The following RAB3IP variants were observed in gnomAD, a reference collection of about 807,000 sequenced individuals.
RAB3IP encodes the protein rab-3A-interacting protein.
A neutral mutation model predicts 59.1 loss-of-function variants in RAB3IP; 36 were observed. The ratio of observed to expected loss-of-function variants is 0.61; its 90% confidence interval spans 0.47 to 0.80. RAB3IP has a LOEUF of 0.80. RAB3IP is among the 30% of genes least tolerant of loss of function. RAB3IP has a pLI of 0.00. For missense variants in RAB3IP, 511 were observed against 536.0 expected (o/e 0.95, Z 0.46); for synonymous variants, 207 against 191.2 (o/e 1.08, Z -0.68).
At chr12:69,792,315 T>C (rs1599746) in intron 4 of RAB3IP, among the ~76,000 whole-genome samples, 50,721 of 151,992 alleles carry the variant, frequency 0.33, 8,768 homozygotes, top group South Asian at 0.37. Flanking sequence ...AAAAAAAAGG[T>C]AACTGAGAGG....
intron 8 of RAB3IP, among the ~76,000 whole-genome samples, chr12:69,802,724 C>T (rs1456569591): frequency 6.6e-6 from 1 of 152,166 alleles, no homozygotes; most frequent in Non-Finnish European, 1.5e-5. Flanking sequence ...ACTAATAGGT[C>T]TGTGTTAAAG....
chr12:69,746,157 C>T (rs1868336107), intron 1 of RAB3IP, among the ~76,000 whole-genome samples: 1 of 152,180 alleles, frequency 6.6e-6, no homozygotes, highest in African/African-American at 2.4e-5. Context: ...AGCCTCTAGT[C>T]TCCAGTGAAG....
At chr12:69,802,852 T>C (rs1878608033) in intron 8 of RAB3IP, among the ~76,000 whole-genome samples, 1 of 152,196 alleles carries the variant, frequency 6.6e-6, no homozygotes, top group Non-Finnish European at 1.5e-5. Flanking sequence ...AGTCATATGT[T>C]TGCTCTGTGA....
intron 3 of RAB3IP, among the ~76,000 whole-genome samples, chr12:69,781,897 G>A (rs1417535106): frequency 6.6e-6 from 1 of 152,216 alleles, no homozygotes; most frequent in Non-Finnish European, 1.5e-5. Context: ...CAACAAGTGT[G>A]ATCGCTGGAT....
chr12:69,780,327 G>A (rs1385102806), intron 3 of RAB3IP, among the ~76,000 whole-genome samples: 1 of 152,178 alleles, frequency 6.6e-6, no homozygotes, highest in Non-Finnish European at 1.5e-5. Flanking sequence ...TTGCACCAGT[G>A]GCCTACATCC....
chr12:69,753,727 AAG>A (rs1869715447), intron 1 of RAB3IP, among the ~76,000 whole-genome samples: 1 of 152,188 alleles, frequency 6.6e-6, no homozygotes, highest in African/African-American at 2.4e-5. Flanking sequence ...AAAAATTGGA[AAG>A]AGAGATTGGA....
At chr12:69,790,175 TCAA>T (rs1271912171) in intron 4 of RAB3IP, among the ~76,000 whole-genome samples, 1 of 152,098 alleles carries the variant, frequency 6.6e-6, no homozygotes, top group Non-Finnish European at 1.5e-5. Context: ...TTCTAAAGAT[TCAA>T]CAACAAAAAA....
At chr12:69,760,757 C>A (rs1188685895) in intron 3 of RAB3IP, among the ~76,000 whole-genome samples, 1 of 151,966 alleles carries the variant, frequency 6.6e-6, no homozygotes, top group Non-Finnish European at 1.5e-5. Flanking sequence ...TTGTTTCTCA[C>A]AAGAAGTCTG....
chr12:69,750,271 C>T (rs1869030503), intron 1 of RAB3IP, among the ~76,000 whole-genome samples: 1 of 152,140 alleles, frequency 6.6e-6, no homozygotes. Context: ...TGACTTGGCT[C>T]CTTGGCTTCC....
intron 3 of RAB3IP, among the ~76,000 whole-genome samples, chr12:69,766,093 G>A (rs1044400136): frequency 6.6e-6 from 1 of 150,716 alleles, no homozygotes; most frequent in African/African-American, 2.5e-5. Flanking sequence ...TTGTTTTGTT[G>A]TGTTTTGCAT....
intron 6 of RAB3IP, among the ~76,000 whole-genome samples, chr12:69,797,744 A>G (rs59127314): frequency 1.1e-4 from 17 of 151,128 alleles, no homozygotes; most frequent in African/African-American, 2.2e-4. Flanking sequence ...TCCTTGTTCA[A>G]TTCCCACCTA....
At chr12:69,796,168 C>T (rs934680422) in intron 6 of RAB3IP, 1 of 152,284 alleles carries the variant, frequency 6.6e-6, no homozygotes, top group African/African-American at 2.4e-5. Context: ...GGCATGGTAT[C>T]TCATGCTTAT....
At chr12:69,807,636 C>G (rs1038537653) in intron 8 of RAB3IP, among the ~76,000 whole-genome samples, 21 of 146,134 alleles carry the variant, frequency 1.4e-4, no homozygotes, top group African/African-American at 5.4e-4. Context: ...TCCTTACCTC[C>G]CAGACGAAGG....
intron 1 of RAB3IP, chr12:69,739,265 T>C (rs1887013275): frequency 6.6e-6 from 1 of 152,132 alleles, no homozygotes; most frequent in African/African-American, 2.4e-5. Flanking sequence ...GGGGGGGACT[T>C]TGGCGACCCG....
chr12:69,784,576 G>A, intron 3 of RAB3IP, 144 bp from the exon 4 acceptor site: 1 of 331,634 alleles, frequency 3.0e-6, no homozygotes, highest in Non-Finnish European at 5.4e-6. Flanking sequence ...CCACATAGCA[G>A]GTGCTAGATA....
chr12:69,757,860 A>G (rs149850585), intron 3 of RAB3IP, among the ~76,000 whole-genome samples: 1 of 152,316 alleles, frequency 6.6e-6, no homozygotes, highest in African/African-American at 2.4e-5. Flanking sequence ...TTTTGAGTAT[A>G]TGTATCCATC....
At chr12:69,807,899 C>A (rs1267504321) in intron 8 of RAB3IP, among the ~76,000 whole-genome samples, 1 of 145,598 alleles carries the variant, frequency 6.9e-6, no homozygotes, top group African/African-American at 2.6e-5. Flanking sequence ...CCTCACCTCC[C>A]AGATGGGGCG....
chr12:69,768,409 G>A (rs1402692319), intron 3 of RAB3IP, among the ~76,000 whole-genome samples: 2 of 152,218 alleles, frequency 1.3e-5, no homozygotes, highest in South Asian at 2.1e-4. Context: ...GCAGGCTGCT[G>A]GTCAAGAAAA....
intron 1 of RAB3IP, among the ~76,000 whole-genome samples, chr12:69,754,392 A>G (rs1869854169): frequency 6.6e-6 from 1 of 151,980 alleles, no homozygotes; most frequent in Admixed American, 6.6e-5. Flanking sequence ...ATACATTGAG[A>G]TATTAAGTGG....
Sources: allele counts gnomAD v4.1 joint callset (sites outside exome capture counted in the v4.1 genomes callset), GRCh38; gene constraint gnomAD v4.1.1; transcripts MANE v1.5; gene names NCBI Gene and HGNC (gene_info 2026-07-23, HGNC 2026-07-21).